ZNF66: variants seen among roughly 807,000 people sequenced by gnomAD.
ZNF66 encodes the protein zinc finger protein 66, also known as putative zinc finger protein 66.
A neutral mutation model predicts 35.2 loss-of-function variants in ZNF66; 32 were observed. That is an observed-to-expected ratio of 0.91 (90% confidence interval 0.69 to 1.22). ZNF66 has a LOEUF of 1.22. ZNF66 is among the 50% of genes most tolerant of loss of function. The pLI is 0.00. For synonymous variants in ZNF66, 231 were observed against 181.3 expected (o/e 1.27, Z -2.20); for missense variants, 666 against 543.1 (o/e 1.23, Z -2.25).
At position 20,790,011 on chromosome 19, in the gene ZNF66, C is replaced by CT. The variant is rs1568495691; in HGVS notation, c.4-2500dup. On this transcript the variant is annotated intron_variant, in intron 1 of 3. Transcript: ENST00000344519. ...GGGATCCTGTGCTGTGCCTGCTTCTCTAACTAATGTAAATAATGCGCCAAG... is the reference window on the plus strand; with the variant it reads ...GGGATCCTGTGCTGTGCCTGCTTCTCTTAACTAATGTAAATAATGCGCCAAG... 9.2e-5 allele frequency among the ~76,000 whole-genome samples: 14 copies of CT among 152,256 alleles called. No individual in the cohort carries two copies. The South Asian group carries it at 2.9e-3, about 32-fold the overall frequency.
intron 3 of ZNF66, among the ~76,000 whole-genome samples, chr19:20,801,753 A>G (rs1243100950): frequency 6.6e-6 from 1 of 151,706 alleles, no homozygotes; most frequent in Non-Finnish European, 1.5e-5. Flanking sequence ...CAGCCTCTCA[A>G]GTAGCTGGGT....
intron 3 of ZNF66, among the ~76,000 whole-genome samples, chr19:20,797,096 T>C (rs1971399611): frequency 6.6e-6 from 1 of 151,654 alleles, no homozygotes. Flanking sequence ...GGTGAGCTGC[T>C]TGCCTTGGCC....
At chr19:20,797,335 T>G (rs1255174223) in intron 3 of ZNF66, among the ~76,000 whole-genome samples, 1 of 134,880 alleles carries the variant, frequency 7.4e-6, no homozygotes, top group Non-Finnish European at 1.6e-5. Flanking sequence ...GCCTCCCGAG[T>G]AGCTGGGACT....
In ZNF66 at chr19:20,805,992, A is replaced by G; in HGVS notation, c.392A>G (p.Asn131Ser). 2.5e-6 allele frequency: 2 copies of G among 787,448 alleles called. No individual in the cohort carries two copies. The highest frequency in any genetic ancestry group is 3.0e-5 in the South Asian group (2 of 66,048). The allele number at this position is 787,448 out of a possible 1,614,324, so 48.8% of individuals were successfully genotyped here. A position where few individuals can be genotyped will look rare whatever the true frequency, so the allele number is the denominator to read the frequency against. Residue 131 changes from asparagine to serine, a missense_variant, in exon 4 of 4, where the codon AAT becomes AGT. Physicochemically the swap from Asn to Ser is conservative, Grantham distance 46. Coordinates refer to ENST00000344519, the MANE Select transcript of ZNF66 (RefSeq NM_001355197.2). ...TGTAAAGTGCACAAAAGAGGTTATA[A>G]TGGACTTAACCAATGTTTGACAACT... ...DKCKVHKRGYNGLNQCLTTTQ... is the reference protein window; with the variant it reads ...DKCKVHKRGYSGLNQCLTTTQ...
intron 3 of ZNF66, among the ~76,000 whole-genome samples, chr19:20,797,441 C>T (rs1289660224): frequency 2.4e-5 from 3 of 123,926 alleles, no homozygotes; most frequent in South Asian, 2.5e-4. Context: ...CTCCTGACCT[C>T]GTGATCCGCC....
At chr19:20,780,771 A>C (rs1971238576) in intron 1 of ZNF66, among the ~76,000 whole-genome samples, 1 of 152,188 alleles carries the variant, frequency 6.6e-6, no homozygotes, top group Admixed American at 6.6e-5. Flanking sequence ...AGGCTGTCAC[A>C]CTGCCCATTG....
intron 3 of ZNF66, among the ~76,000 whole-genome samples, chr19:20,795,787 A>T (rs1971386524): frequency 6.6e-6 from 1 of 152,124 alleles, no homozygotes; most frequent in African/African-American, 2.4e-5. Context: ...GCCTGCCTAC[A>T]TTGTTGTAAA....
At chr19:20,780,172 G>C (rs369960900) in intron 1 of ZNF66, among the ~76,000 whole-genome samples, 1 of 152,132 alleles carries the variant, frequency 6.6e-6, no homozygotes, top group Non-Finnish European at 1.5e-5. Context: ...TGTGCAGAGC[G>C]TGTGTCTGCC....
chr19:20,789,686 T>A (rs1971318624), intron 1 of ZNF66, among the ~76,000 whole-genome samples: 1 of 152,140 alleles, frequency 6.6e-6, no homozygotes, highest in Non-Finnish European at 1.5e-5. Context: ...AAAAAATTGA[T>A]GACAGAGGAA....
rs151058102 is a variant in ZNF66 at position 20,808,339 on chromosome 19, T to A, written c.*1017T>A. Among the ~76,000 whole-genome samples, 5,199 of 152,246 alleles carry A rather than the reference T, an allele frequency of 0.034. 90 individuals carry two copies. The highest frequency in any genetic ancestry group is 0.043 in the South Asian group (205 of 4,822). Reference sequence around the variant, plus strand: ...CTTAAACGTCCCTGTCTGACAGCTTTGAAGAGAGTAGTGGTTCTCCCAGCA... The same window carrying A: ...CTTAAACGTCCCTGTCTGACAGCTTAGAAGAGAGTAGTGGTTCTCCCAGCA... On this transcript the variant is annotated 3_prime_UTR_variant, in exon 4 of 4. Transcript: ENST00000344519.
At chr19:20,799,078 T>TTTTTTTTTTTTTTTTTTTTTTTTTTTTTC (rs1460346688) in intron 3 of ZNF66, 2 of 139,988 alleles carry the variant, frequency 1.4e-5, no homozygotes, top group African/African-American at 2.7e-5. Context: ...TTTTTTTTTT[T>TTTTTTTTTTTTTTTTTTTTTTTTTTTTTC]TGAGATGGAA....
chr19:20,804,835 G>A (rs1387496639), intron 3 of ZNF66, among the ~76,000 whole-genome samples: 2 of 152,050 alleles, frequency 1.3e-5, no homozygotes, highest in African/African-American at 2.4e-5. Context: ...AGTTAAATTG[G>A]CTTATTCATA....
At position 20,791,485 on chromosome 19, in the gene ZNF66, CAA is replaced by C. The variant is rs35269524; in HGVS notation, c.4-1008_4-1007del. Among the ~76,000 whole-genome samples the C allele has an allele frequency of 7.8e-3, 449 of 57,330 alleles. 4 individuals are homozygous for C. The highest frequency in any genetic ancestry group is 0.022 in the African/African-American group (407 of 18,816). 37.6% of individuals were successfully genotyped at this position (57,330 alleles called of 152,430 possible). Reference sequence around the variant, plus strand: ...GGGGGACAAGAGTGAGACTTAATCTCAAAAAAAAAAAAAAAAAAAAGAAAATT... The same window carrying C: ...GGGGGACAAGAGTGAGACTTAATCTCAAAAAAAAAAAAAAAAAAGAAAATT... On this transcript the variant is annotated intron_variant, in intron 1 of 3. Transcript: ENST00000344519.
chr19:20,806,630 G>T lies in ZNF66; in HGVS notation c.1030G>T (p.Glu344Ter). The change falls in exon 4 of 4, where the codon GAA becomes TAA. Residue 344 changes from glutamate (E) to a stop codon, truncating the protein, a stop_gained. Transcript: ENST00000344519. LOFTEE classifies it high-confidence loss of function. ...TACTGGAGAGAAACCCTACAAATGT[G>T]AAGAATGTGGCAAAGGCTTTAAGTA... is the stretch of plus-strand genomic sequence containing the variant. ...IHTGEKPYKCEECGKGFKYSS... is the reference protein window; with the variant it reads ...IHTGEKPYKC The T allele has an allele frequency of 6.3e-7, 1 of 1,581,174 alleles. No homozygotes were observed.
rs1474543691 is a variant in ZNF66, at chr19:20,794,069, T to C, written c.226+191T>C. 1.0e-5 allele frequency: 6 copies of C among 586,004 alleles called. 1 individual carries two copies. Among genetic ancestry groups the C allele is most frequent in the Admixed American group, 6.5e-5 (2 of 30,896 alleles). 36.3% of individuals were successfully genotyped at this position (586,004 alleles called of 1,614,324 possible). On this transcript the variant is annotated intron_variant, in intron 3 of 3. Coordinates refer to ENST00000344519, the MANE Select transcript of ZNF66 (RefSeq NM_001355197.2). ...TGTCACAAAGGGGCATATTGTCTTA[T>C]GCTTCTAAATTCTCTAAAAATTCTA...
At chr19:20,777,752 A>G (rs761076664) in intron 1 of ZNF66, among the ~76,000 whole-genome samples, 50 of 152,048 alleles carry the variant, frequency 3.3e-4, no homozygotes, top group Admixed American at 5.2e-4. Context: ...CAGCCTCTCC[A>G]GTAGTTGGGA....
rs1354241414 is a variant in ZNF66, at chr19:20,807,345, CAT to C, written c.*25_*26del. 1 of 599,884 alleles carries C rather than the reference CAT, an allele frequency of 1.7e-6. No homozygotes were observed. Among genetic ancestry groups the C allele is most frequent in the Admixed American group, 2.9e-5 (1 of 34,164 alleles). The allele number at this position is 599,884 out of a possible 1,614,324, so 37.2% of individuals were successfully genotyped here. On this transcript the variant is annotated 3_prime_UTR_variant, in exon 4 of 4. Coordinates refer to ENST00000344519, the MANE Select transcript of ZNF66 (RefSeq NM_001355197.2). ...TAGACACTCCTCTACCCTTACTAGA[CAT>C]AAGATAATTCATACTGGAGAGAAAC... is the stretch of plus-strand genomic sequence containing the variant.
chr19:20,780,181 C>T (rs1362859755), intron 1 of ZNF66, among the ~76,000 whole-genome samples: 1 of 151,936 alleles, frequency 6.6e-6, no homozygotes, highest in African/African-American at 2.4e-5. Context: ...CGTGTGTCTG[C>T]CTGTGTGATA....
At chr19:20,805,525 G>A (rs1277910712) in intron 3 of ZNF66, among the ~76,000 whole-genome samples, 1 of 152,022 alleles carries the variant, frequency 6.6e-6, no homozygotes, top group Non-Finnish European at 1.5e-5. Flanking sequence ...ATGTTATACT[G>A]GAGAGCAGGA....
Sources: allele counts gnomAD v4.1 joint callset (sites outside exome capture counted in the v4.1 genomes callset), GRCh38; gene constraint gnomAD v4.1.1; transcripts MANE v1.5; gene names NCBI Gene and HGNC (gene_info 2026-07-23, HGNC 2026-07-21).